The following F13A1 variants were observed in gnomAD, a reference collection of about 807,000 sequenced individuals.
F13A1 encodes the protein coagulation factor XIII A chain, also known as FSF, A subunit.
F13A1 carries 47 observed loss-of-function variants against 80.1 expected under a neutral mutation model. That is an observed-to-expected ratio of 0.59 (90% CI 0.46 to 0.75). The LOEUF (loss-of-function observed/expected upper bound fraction) is 0.75, where lower values mean the gene tolerates loss of function less well. Among genes scored for constraint, F13A1 ranks in the 30% least tolerant of loss-of-function variants. The pLI, the probability that F13A1 is intolerant of heterozygous loss-of-function variation, is 0.00. For synonymous variants in F13A1, 349 were observed against 344.9 expected (o/e 1.01, Z -0.13); for missense variants, 817 against 930.4 (o/e 0.88, Z 1.59).
chr6:6,217,814 G>T lies in F13A1; in HGVS notation c.1112+4219C>A, dbSNP rs904572793. 2.6e-5 allele frequency among the ~76,000 whole-genome samples: 4 copies of T among 152,144 alleles called. No individual in the cohort carries two copies. In the South Asian group the frequency reaches 8.3e-4, roughly 32 times the overall value. Reference sequence around the variant, plus strand: ...GAATTAGGATTATACACTGATTAGGGCAGTGTCCCAGGTGTGAAAGCTGGT... The same window carrying T: ...GAATTAGGATTATACACTGATTAGGTCAGTGTCCCAGGTGTGAAAGCTGGT... On this transcript the variant is annotated intron_variant, in intron 8 of 14. Coordinates refer to ENST00000264870, the MANE Select transcript of F13A1 (RefSeq NM_000129.4).
chr6:6,300,518 G>A (rs1016711759), intron 3 of F13A1, among the ~76,000 whole-genome samples: 5 of 152,056 alleles, frequency 3.3e-5, no homozygotes, highest in Non-Finnish European at 5.9e-5. Flanking sequence ...GGTGCCGTCC[G>A]TCACCCCTTT....
chr6:6,286,385 C>T (rs1311696023), intron 3 of F13A1, among the ~76,000 whole-genome samples: 3 of 152,090 alleles, frequency 2.0e-5, no homozygotes, highest in Non-Finnish European at 4.4e-5. Flanking sequence ...GAGTCTGTCT[C>T]AAAAAAACGA....
chr6:6,184,607 T>C lies in F13A1; in HGVS notation c.1306-2466A>G, dbSNP rs190420715. ...CGGGAATTCCCTCTGGAGGAAGCCATGTAAGTACAAACAGCGACCCCCTCT... is the reference window on the plus strand; with the variant it reads ...CGGGAATTCCCTCTGGAGGAAGCCACGTAAGTACAAACAGCGACCCCCTCT... On this transcript the variant is annotated intron_variant, in intron 10 of 14. Transcript: ENST00000264870. Among the ~76,000 whole-genome samples the C allele has an allele frequency of 2.8e-4, 43 of 152,366 alleles. No homozygotes were observed. The East Asian group carries it at 5.4e-3, about 19-fold the overall frequency.
In F13A1 at chr6:6,317,498, G is replaced by C. The variant is rs1351040264; in HGVS notation, c.130+1037C>G. Among the ~76,000 whole-genome samples, 5 of 152,112 alleles carry C rather than the reference G, an allele frequency of 3.3e-5. No individual in the cohort carries two copies. In the East Asian group the frequency reaches 9.7e-4, roughly 29 times the overall value. ...GGATACCTCCCTGATTTCACTATTT[G>C]ATATCAAATCATCTAGTGTGACAGT... On this transcript the variant is annotated intron_variant, in intron 2 of 14. Transcript: ENST00000264870.
intron 8 of F13A1, among the ~76,000 whole-genome samples, chr6:6,208,629 C>G (rs1761537458): frequency 1.3e-5 from 2 of 152,106 alleles, no homozygotes; most frequent in Non-Finnish European, 2.9e-5. Context: ...AAGCTGAAGA[C>G]AAATAGAGAA....
intron 9 of F13A1, among the ~76,000 whole-genome samples, chr6:6,196,726 C>A (rs1299868125): frequency 6.6e-6 from 1 of 152,136 alleles, no homozygotes; most frequent in Non-Finnish European, 1.5e-5. Flanking sequence ...AGCTGCTTAG[C>A]ATAGTTGGCA....
intron 14 of F13A1, 86 bp downstream of exon 14, chr6:6,151,727 C>A (rs1299836871): frequency 6.4e-7 from 1 of 1,563,922 alleles, no homozygotes; most frequent in Non-Finnish European, 8.8e-7. Flanking sequence ...CACTGGGGAG[C>A]AGATCTATGT....
rs1055430926 is a variant in F13A1, at chr6:6,243,651, T to A, written c.798+4661A>T. Reference sequence around the variant, plus strand: ...ATATGATCTGAGAGTAAGGACCATATCTGGTTTCAGCTCAGCCACTTATTT... The same window carrying A: ...ATATGATCTGAGAGTAAGGACCATAACTGGTTTCAGCTCAGCCACTTATTT... On this transcript the variant is annotated intron_variant, in intron 6 of 14. Transcript: ENST00000264870. The surrounding 1 kb of genome is among the most constrained non-coding windows in gnomAD (Gnocchi z 4.2). Among the ~76,000 whole-genome samples the A allele has an allele frequency of 6.6e-6, 1 of 152,162 alleles. No individual in the cohort carries two copies. The highest frequency in any genetic ancestry group is 2.4e-5 in the African/African-American group (1 of 41,430).
At chr6:6,231,544 A>AT (rs1389905095) in intron 6 of F13A1, among the ~76,000 whole-genome samples, 7 of 152,234 alleles carry the variant, frequency 4.6e-5, no homozygotes, top group African/African-American at 1.7e-4. Flanking sequence ...CTTGCTAGAG[A>AT]CCTAGACATC....
intron 3 of F13A1, among the ~76,000 whole-genome samples, chr6:6,280,856 T>C (rs72817052): frequency 0.038 from 5,806 of 152,296 alleles, 153 homozygotes; most frequent in Admixed American, 0.08. Flanking sequence ...CTTCCGTAAA[T>C]AACACCTAAT....
intron 13 of F13A1, among the ~76,000 whole-genome samples, chr6:6,153,179 G>T (rs6913645): frequency 0.21 from 32,701 of 152,130 alleles, 3,610 homozygotes; most frequent in Middle Eastern, 0.28. Context: ...GGATCTTCCA[G>T]ATGACAACAC....
At chr6:6,158,523 T>G (rs1760516531) in intron 13 of F13A1, among the ~76,000 whole-genome samples, 1 of 152,030 alleles carries the variant, frequency 6.6e-6, no homozygotes, top group Admixed American at 6.5e-5. Flanking sequence ...ATGACGTGGA[T>G]TCGGTTTCTC....
rs1259662938 is a variant in F13A1, at chr6:6,151,895, T to TA, written c.1962_1963insT (p.Asn655Ter). The TA allele has an allele frequency of 6.2e-7, 1 of 1,613,974 alleles. No homozygotes were observed. The highest frequency in any genetic ancestry group is 8.5e-7 in the Non-Finnish European group (1 of 1,180,000). On this transcript the variant is annotated frameshift_variant, in exon 14 of 15. Coordinates refer to ENST00000264870, the MANE Select transcript of F13A1 (RefSeq NM_000129.4). LOFTEE classifies it high-confidence loss of function. ...TTTCGCAGGGTTTCTTTTAAAGGAT[T>TA]GGTAAACTCAACTGTCACAGTCATG...
intron 7 of F13A1, among the ~76,000 whole-genome samples, chr6:6,222,798 G>A (rs549965366): frequency 6.6e-6 from 1 of 152,254 alleles, no homozygotes; most frequent in African/African-American, 2.4e-5. Flanking sequence ...GACTTGGCTT[G>A]CCTTTTTATT....
At chr6:6,227,709 G>A (rs79199740) in intron 6 of F13A1, among the ~76,000 whole-genome samples, 3,571 of 152,144 alleles carry the variant, frequency 0.023, 143 homozygotes, top group African/African-American at 0.081. Context: ...CCTAAACTGT[G>A]GTCCTGATAA....
At position 6,185,754 on chromosome 6, in the gene F13A1, T is replaced by G. The variant is rs867345006; in HGVS notation, c.1306-3613A>C. ...ATATACCCAGTAATGGGATGGCTGG[T>G]TCAAATGGTATTTCCAGTTCTAGAT... On this transcript the variant is annotated intron_variant, in intron 10 of 14. Coordinates refer to ENST00000264870, the MANE Select transcript of F13A1 (RefSeq NM_000129.4). Among the ~76,000 whole-genome samples, 1,276 of 152,126 alleles carry G rather than the reference T, an allele frequency of 8.4e-3. 20 individuals are homozygous for G. The highest frequency in any genetic ancestry group is 0.029 in the African/African-American group (1,185 of 41,522).
intron 3 of F13A1, among the ~76,000 whole-genome samples, chr6:6,287,992 G>A (rs1222585826): frequency 2.0e-5 from 3 of 152,156 alleles, no homozygotes; most frequent in East Asian, 1.9e-4. Flanking sequence ...TTCTTTGTGC[G>A]TGTGTAGATG....
At chr6:6,171,548 C>T (rs1455189528) in intron 12 of F13A1, among the ~76,000 whole-genome samples, 1 of 151,736 alleles carries the variant, frequency 6.6e-6, no homozygotes, top group Non-Finnish European at 1.5e-5. Context: ...TGCTATCAAC[C>T]CCTTTCAGTG....
At chr6:6,204,702 G>GAAAAA (rs1379238353) in intron 8 of F13A1, among the ~76,000 whole-genome samples, 1 of 152,070 alleles carries the variant, frequency 6.6e-6, no homozygotes, top group Non-Finnish European at 1.5e-5. Context: ...CCTGGACTTA[G>GAAAAA]AAAAAAACTT....
Sources: gnomAD v4.1 joint callset for allele counts (sites outside exome capture counted in the v4.1 genomes callset) on GRCh38, gnomAD v4.1.1 for gene constraint, Gnocchi (gnomAD v3.1) non-coding constraint, MANE v1.5 for transcripts, NCBI Gene and HGNC (gene_info 2026-07-23, HGNC 2026-07-21) for gene names.